FAM8A1: variants seen among roughly 807,000 people sequenced by gnomAD.
FAM8A1 encodes the protein family with sequence similarity 8 member A1.
FAM8A1 carries 18 observed loss-of-function variants against 38.3 expected under a neutral mutation model. The ratio of observed to expected loss-of-function variants is 0.47; its 90% CI spans 0.33 to 0.70. FAM8A1 has a LOEUF of 0.70. Ranked by LOEUF, FAM8A1 falls within the 30% of genes least tolerant of loss-of-function variation. The pLI is 0.03. For synonymous variants in FAM8A1, 246 were observed against 234.4 expected (o/e 1.05, Z -0.45); for missense variants, 559 against 559.6 (o/e 1.00, Z 0.01).
At chr6:17,601,314 C>T (rs1763983234) in intron 1 of FAM8A1, among the ~76,000 whole-genome samples, 193 bp downstream of exon 1, 2 of 152,222 alleles carry the variant, frequency 1.3e-5, no homozygotes, top group Non-Finnish European at 1.5e-5. Flanking sequence ...ACAGTTTCTT[C>T]TTCCTTTAGA....
At position 17,601,226 on chromosome 6, in the gene FAM8A1, A is replaced by G. The variant is rs1010544294; in HGVS notation, c.712+105A>G. The stretch of plus-strand genomic sequence containing the variant: ...ACCTGTAACTGCTGCTTCTACTCTG[A>G]TTGACTATCCTGCCCGTTCAGTTCA... On this transcript the variant is annotated intron_variant, in intron 1 of 4. Coordinates refer to ENST00000259963, the MANE Select transcript of FAM8A1 (RefSeq NM_016255.3). The G allele has an allele frequency of 1.6e-5, 22 of 1,407,662 alleles. No homozygotes were observed. The African/African-American group carries it at 2.7e-4, about 17-fold the overall frequency. 87.2% of individuals were successfully genotyped at this position (1,407,662 alleles called of 1,614,324 possible).
In FAM8A1 at chr6:17,600,624, A is replaced by G; in HGVS notation, c.215A>G (p.Glu72Gly). 6.6e-7 allele frequency: 1 copy of G among 1,516,266 alleles called. No individual in the cohort carries two copies. Among genetic ancestry groups the G allele is most frequent in the Non-Finnish European group, 8.8e-7 (1 of 1,137,800 alleles). The allele number at this position is 1,516,266 out of a possible 1,614,324, so 93.9% of individuals were successfully genotyped here. A position where few individuals can be genotyped will look rare whatever the true frequency, so the allele number is the denominator to read the frequency against. The change falls in exon 1 of 5, where the codon GAG (glutamate) becomes GGG (glycine). Residue 72 changes from glutamate (E) to glycine (G), a missense_variant. This residue lies in a region of FAM8A1 where 393 missense variants were observed against 338.9 expected (regional missense o/e 1.16). Transcript: ENST00000259963. ...GCCGACAAATTGGAGCCGCCGCGCG[A>G]GCTCAGGAAGCGCGGGGAGGCGGCC... ...AAADKLEPPR[E>G]LRKRGEAASG...
At position 17,611,632 on chromosome 6, in the gene FAM8A1, A is replaced by G. The variant is rs1764147360; in HGVS notation, c.*3293A>G. 1 of 152,506 alleles carries G rather than the reference A, an allele frequency of 6.6e-6. No individual in the cohort carries two copies. Among genetic ancestry groups the G allele is most frequent in the Non-Finnish European group, 1.5e-5 (1 of 68,030 alleles). 9.4% of individuals were successfully genotyped at this position (152,506 alleles called of 1,614,324 possible). ...GTAAACAGTATCTGATGGCCCACCT[A>G]TAAATAAAATTCAGCATTCTATTTT... is the stretch of plus-strand genomic sequence containing the variant. On this transcript the variant is annotated 3_prime_UTR_variant, in exon 5 of 5. Transcript: ENST00000259963.
chr6:17,604,834 TA>T, intron 2 of FAM8A1, 71 bp from the exon 3 acceptor site: 1 of 1,236,732 alleles, frequency 8.1e-7, no homozygotes, highest in Non-Finnish European at 1.1e-6. Context: ...TGACTTGCAC[TA>T]ATGAAAAAAA....
intron 3 of FAM8A1, among the ~76,000 whole-genome samples, chr6:17,605,603 A>G (rs1201325521): frequency 6.6e-6 from 1 of 152,198 alleles, no homozygotes; most frequent in Non-Finnish European, 1.5e-5. Context: ...CCAAAAATAT[A>G]CTTGTAAATT....
chr6:17,608,960 A>G lies in FAM8A1; in HGVS notation c.*621A>G, dbSNP rs967753960. 6.6e-6 allele frequency: 1 copy of G among 152,150 alleles called. No homozygotes were observed. Among genetic ancestry groups the G allele is most frequent in the East Asian group, 1.9e-4 (1 of 5,200 alleles). The allele number at this position is 152,150 out of a possible 1,614,324, so 9.4% of individuals were successfully genotyped here. On this transcript the variant is annotated 3_prime_UTR_variant, in exon 5 of 5. Transcript: ENST00000259963. ...CTCGTAATGATGTAACTTTACAACT[A>G]TTCTTAATGCTTGAACATGTATTTA...
At chr6:17,604,337 A>G (rs888274068) in intron 2 of FAM8A1, among the ~76,000 whole-genome samples, 17 of 151,958 alleles carry the variant, frequency 1.1e-4, no homozygotes, top group Admixed American at 1.0e-3. Context: ...CCCTGCCTTT[A>G]TTTCTTAATC....
chr6:17,607,049 A>C (rs187462278), intron 4 of FAM8A1, among the ~76,000 whole-genome samples: 7 of 152,246 alleles, frequency 4.6e-5, no homozygotes, highest in Admixed American at 2.0e-4. Flanking sequence ...TCACGAGGTC[A>C]GGAGATCGAG....
chr6:17,607,052 AG>A (rs1190438699), intron 4 of FAM8A1, among the ~76,000 whole-genome samples: 2 of 152,090 alleles, frequency 1.3e-5, no homozygotes, highest in East Asian at 3.9e-4. Context: ...CGAGGTCAGG[AG>A]ATCGAGACCA....
Position 17,602,695 on chromosome 6 carries a change from A to G in FAM8A1, c.818A>G (p.His273Arg). Residue 273 changes from histidine to arginine, a missense_variant, in exon 2 of 5, where the codon CAC (histidine) becomes CGC (arginine). Transcript: ENST00000259963. ...IKATIVLSIMHLSGIKDISKF... is the reference protein window; with the variant it reads ...IKATIVLSIMRLSGIKDISKF... ...GCAACCATTGTCTTAAGCATTATGC[A>G]CCTCAGTGGGATAAAGTAAGTTGAG... The G allele has an allele frequency of 6.2e-7, 1 of 1,607,042 alleles. No homozygotes were observed. The highest frequency in any genetic ancestry group is 8.5e-7 in the Non-Finnish European group (1 of 1,178,414).
intron 2 of FAM8A1, among the ~76,000 whole-genome samples, chr6:17,603,463 T>C (rs1162710302): frequency 6.6e-6 from 1 of 152,200 alleles, no homozygotes; most frequent in Non-Finnish European, 1.5e-5. Context: ...CAGAAACCTG[T>C]TACTGTGATT....
chr6:17,608,013 A>C (rs911652880), intron 4 of FAM8A1, among the ~76,000 whole-genome samples, 182 bp from the exon 5 acceptor site: 16 of 152,228 alleles, frequency 1.1e-4, no homozygotes, highest in African/African-American at 3.6e-4. Context: ...ATACAGTGCT[A>C]CTTGAAAATA....
chr6:17,607,737 A>G (rs1764076957), intron 4 of FAM8A1, among the ~76,000 whole-genome samples: 1 of 152,208 alleles, frequency 6.6e-6, no homozygotes, highest in South Asian at 2.1e-4. Flanking sequence ...GAAAGCTTTT[A>G]AAAGCTTTGC....
rs1487639589 is a variant in FAM8A1 at position 17,602,558 on chromosome 6, T to C, written c.713-32T>C. Reference sequence around the variant, plus strand: ...CAAGGCTTATGTGAAATGATTCGTTTTTCCTAACTTTTTTTTTTTTTTAAT... The same window carrying C: ...CAAGGCTTATGTGAAATGATTCGTTCTTCCTAACTTTTTTTTTTTTTTAAT... On this transcript the variant is annotated intron_variant, in intron 1 of 4. Coordinates refer to ENST00000259963, the MANE Select transcript of FAM8A1 (RefSeq NM_016255.3). 4 of 1,462,136 alleles carry C rather than the reference T, an allele frequency of 2.7e-6. No homozygotes were observed. The African/African-American group carries it at 6.0e-5, about 22-fold the overall frequency. The allele number at this position is 1,462,136 out of a possible 1,614,324, so 90.6% of individuals were successfully genotyped here.
In FAM8A1 at chr6:17,611,102, T is replaced by G. The variant is rs1176415338; in HGVS notation, c.*2763T>G. On this transcript the variant is annotated 3_prime_UTR_variant, in exon 5 of 5. Coordinates refer to ENST00000259963, the MANE Select transcript of FAM8A1 (RefSeq NM_016255.3). ...TTGCTCCCACTGGTTTAATAGTTACTTATTTCTGCCTAAGCACTCACCTTC... is the reference window on the plus strand; with the variant it reads ...TTGCTCCCACTGGTTTAATAGTTACGTATTTCTGCCTAAGCACTCACCTTC... 2 of 152,174 alleles carry G rather than the reference T, an allele frequency of 1.3e-5. No individual in the cohort carries two copies. Among genetic ancestry groups the G allele is most frequent in the Non-Finnish European group, 2.9e-5 (2 of 68,022 alleles). The allele number at this position is 152,174 out of a possible 1,614,324, so 9.4% of individuals were successfully genotyped here. A position where few individuals can be genotyped will look rare whatever the true frequency, so the allele number is the denominator to read the frequency against.
chr6:17,603,821 A>G (rs549195975), intron 2 of FAM8A1, among the ~76,000 whole-genome samples: 2 of 151,986 alleles, frequency 1.3e-5, no homozygotes, highest in Non-Finnish European at 2.9e-5. Flanking sequence ...CCTGGGCTCA[A>G]ATGATCCTCC....
chr6:17,605,485 TTAAC>T (rs1764040853), intron 3 of FAM8A1, among the ~76,000 whole-genome samples: 1 of 152,244 alleles, frequency 6.6e-6, no homozygotes, highest in African/African-American at 2.4e-5. Context: ...TTCCCAAATT[TTAAC>T]TAATCATTAA....
Position 17,601,129 on chromosome 6 carries a change from G to A in FAM8A1, c.712+8G>A, listed in dbSNP as rs749325855. 6 of 1,582,628 alleles carry A rather than the reference G, an allele frequency of 3.8e-6. No individual in the cohort carries two copies. Among genetic ancestry groups the A allele is most frequent in the Non-Finnish European group, 4.3e-6 (5 of 1,167,086 alleles). On this transcript the variant is annotated splice_region_variant and intron_variant, in intron 1 of 4. Coordinates refer to ENST00000259963, the MANE Select transcript of FAM8A1 (RefSeq NM_016255.3). ...AGACCGGGCGACAGGCAGGTGAGAA[G>A]CGCGAGGTGGAGGCTGGGCGGAGTA... is the stretch of plus-strand genomic sequence containing the variant.
Position 17,611,283 on chromosome 6 carries a change from T to G in FAM8A1, c.*2944T>G, listed in dbSNP as rs893956185. ...GAGTGTTTTAGTTATGCATAAGTATTTCTAGCAAAGGAAGGGTAGAAAGGA... is the reference window on the plus strand; with the variant it reads ...GAGTGTTTTAGTTATGCATAAGTATGTCTAGCAAAGGAAGGGTAGAAAGGA... On this transcript the variant is annotated 3_prime_UTR_variant, in exon 5 of 5. Transcript: ENST00000259963. 6.6e-6 allele frequency: 1 copy of G among 152,532 alleles called. No homozygotes were observed. The highest frequency in any genetic ancestry group is 1.5e-5 in the Non-Finnish European group (1 of 68,016). 9.4% of individuals were successfully genotyped at this position (152,532 alleles called of 1,614,324 possible).
Sources: gnomAD v4.1 joint callset for allele counts (sites outside exome capture counted in the v4.1 genomes callset) on GRCh38, gnomAD v4.1.1 for gene constraint, gnomAD v4.1.1 regional missense constraint, MANE v1.5 for transcripts, NCBI Gene and HGNC (gene_info 2026-07-23, HGNC 2026-07-21) for gene names.